The following NME8 variants were observed in gnomAD, a reference collection of about 807,000 sequenced individuals.
The protein encoded by NME8 is NME/NM23 family member 8.
NME8 carries 72 observed loss-of-function variants against 82.3 expected under a neutral mutation model. That is an observed-to-expected ratio of 0.87 (90% CI 0.72 to 1.06). The LOEUF (loss-of-function observed/expected upper bound fraction) is 1.06. Ranked by LOEUF, NME8 falls within the 50% of genes least tolerant of loss-of-function variation. The pLI, the probability that NME8 is intolerant of heterozygous loss-of-function variation, is 0.00. For missense variants in NME8, 712 were observed against 685.4 expected (o/e 1.04, Z -0.43); for synonymous variants, 267 against 228.5 (o/e 1.17, Z -1.52).
chr7:37,897,821 T>C (rs62445988), intron 17 of NME8, among the ~76,000 whole-genome samples: 4,327 of 152,284 alleles, frequency 0.028, 101 homozygotes, highest in East Asian at 0.088. Context: ...CAGTTTCATC[T>C]ATGTCCCTGC....
At chr7:37,867,951 A>T (rs1402938548) in intron 11 of NME8, 53 bp downstream of exon 11, 3 of 1,518,600 alleles carry the variant, frequency 2.0e-6, no homozygotes, top group Non-Finnish European at 2.7e-6. Context: ...TTGGGTAATG[A>T]AGCGTAGTGT....
intron 15 of NME8, among the ~76,000 whole-genome samples, chr7:37,890,407 T>C (rs1385953874): frequency 6.6e-6 from 1 of 151,982 alleles, no homozygotes; most frequent in African/African-American, 2.4e-5. Context: ...GTATATAGCA[T>C]ACCCATTACT....
intron 15 of NME8, among the ~76,000 whole-genome samples, chr7:37,892,056 G>A (rs1412619667): frequency 6.6e-6 from 1 of 151,910 alleles, no homozygotes; most frequent in Non-Finnish European, 1.5e-5. Context: ...TCTTGACAGA[G>A]TATCTCTATT....
intron 11 of NME8, among the ~76,000 whole-genome samples, chr7:37,875,108 A>G (rs1784827201): frequency 6.6e-6 from 1 of 152,216 alleles, no homozygotes; most frequent in Non-Finnish European, 1.5e-5. Flanking sequence ...AAATGAAGGG[A>G]AGTCTACAAA....
At chr7:37,866,650 G>C (rs1330194037) in intron 10 of NME8, among the ~76,000 whole-genome samples, 3 of 152,154 alleles carry the variant, frequency 2.0e-5, no homozygotes, top group African/African-American at 7.2e-5. Context: ...AAAAATGTAG[G>C]AGACTAGTGA....
In NME8 at chr7:37,862,078, TA is replaced by T. The variant is rs1398760930; in HGVS notation, c.327del (p.Val110LeufsTer4). On this transcript the variant is annotated frameshift_variant, in exon 7 of 18. Coordinates refer to ENST00000199447, the MANE Select transcript of NME8 (RefSeq NM_016616.5). LOFTEE classifies it high-confidence loss of function. Reference sequence around the variant, plus strand: ...AGGGTGCAAATGCACCGCTTGTTAATAAAAAAGTTATTAATTTGATCGATGA... The same window carrying T: ...AGGGTGCAAATGCACCGCTTGTTAATAAAAAGTTATTAATTTGATCGATGA... ...IQGANAPLVN[K>X]KVINLIDEER... The T allele has an allele frequency of 5.0e-6, 8 of 1,613,680 alleles. No individual in the cohort carries two copies. The Admixed American group carries it at 6.7e-5, about 13-fold the overall frequency.
chr7:37,860,374 C>T (rs904435895), intron 6 of NME8, among the ~76,000 whole-genome samples: 1 of 152,134 alleles, frequency 6.6e-6, no homozygotes, highest in Admixed American at 6.5e-5. Context: ...ATTGCTGTTG[C>T]TAATGTATCC....
intron 12 of NME8, among the ~76,000 whole-genome samples, chr7:37,878,955 G>T (rs535514484): frequency 1.3e-5 from 2 of 151,954 alleles, no homozygotes; most frequent in East Asian, 3.9e-4. Context: ...ATAATGTCAG[G>T]TATTCCCATT....
chr7:37,881,748 C>T (rs561505556), intron 12 of NME8, among the ~76,000 whole-genome samples: 5 of 152,156 alleles, frequency 3.3e-5, no homozygotes, highest in South Asian at 4.1e-4. Context: ...ATTCCTTAAA[C>T]GTTTTGTAGA....
intron 11 of NME8, among the ~76,000 whole-genome samples, chr7:37,873,413 AC>A (rs1784801626): frequency 6.6e-6 from 1 of 152,046 alleles, no homozygotes; most frequent in Admixed American, 6.6e-5. Context: ...GAATATATAA[AC>A]ATATGAGTAT....
At chr7:37,898,135 T>A (rs1330825178) in intron 17 of NME8, among the ~76,000 whole-genome samples, 1 of 152,184 alleles carries the variant, frequency 6.6e-6, no homozygotes, top group Admixed American at 6.5e-5. Context: ...AAAGTGTTAC[T>A]ATTTCTCCAC....
At chr7:37,849,869 CAAAA>C (rs869133999) in intron 2 of NME8, among the ~76,000 whole-genome samples, 38 of 39,928 alleles carry the variant, frequency 9.5e-4, no homozygotes, top group South Asian at 8.3e-3. Flanking sequence ...GACTATGTCT[CAAAA>C]AAAAAAAAAA....
At chr7:37,850,068 G>A (rs1784416713) in intron 2 of NME8, among the ~76,000 whole-genome samples, 192 bp from the exon 3 acceptor site, 1 of 152,120 alleles carries the variant, frequency 6.6e-6, no homozygotes, top group Non-Finnish European at 1.5e-5. Context: ...TGCATGGCAT[G>A]CCTGTATCAA....
chr7:37,877,012 G>A lies in NME8; in HGVS notation c.994+5G>A, dbSNP rs1292466067. The A allele has an allele frequency of 3.7e-6, 6 of 1,607,726 alleles. No homozygotes were observed. In the Admixed American group the frequency reaches 6.7e-5, roughly 18 times the overall value. ...ATCTCTTTCATGAAAGGAAAGGTAGGGAATCAAGCATAAATTGTTTAAGTA... is the reference window on the plus strand; with the variant it reads ...ATCTCTTTCATGAAAGGAAAGGTAGAGAATCAAGCATAAATTGTTTAAGTA... On this transcript the variant is annotated splice_donor_5th_base_variant and intron_variant, in intron 12 of 17. Coordinates refer to ENST00000199447, the MANE Select transcript of NME8 (RefSeq NM_016616.5).
At chr7:37,873,861 T>C (rs183009874) in intron 11 of NME8, among the ~76,000 whole-genome samples, 3 of 152,348 alleles carry the variant, frequency 2.0e-5, no homozygotes, top group East Asian at 3.9e-4. Context: ...AGACTTTTAA[T>C]TGGTTTTATT....
At chr7:37,875,665 A>T (rs927061472) in intron 11 of NME8, among the ~76,000 whole-genome samples, 1 of 152,190 alleles carries the variant, frequency 6.6e-6, no homozygotes, top group Admixed American at 6.5e-5. Context: ...GCCAAAAAAT[A>T]GCCAGGAAAA....
intron 12 of NME8, 101 bp downstream of exon 12, chr7:37,877,108 T>C: frequency 1.0e-6 from 1 of 1,001,380 alleles, no homozygotes. Flanking sequence ...AAATTTAACA[T>C]TGAAGAAAAC....
rs764326102 is a variant in NME8, at chr7:37,897,068, C to T, written c.1743C>T (p.Leu581=). ...AYEAKEVVNR[L]FEDPEEN ...AAGCAAAAGAGGTTGTTAATAGACT[C>T]TTTGAGGATCCTGAGGAAAACTAAA... is the stretch of plus-strand genomic sequence containing the variant. The change falls in exon 17 of 18, where the codon CTC becomes CTT. Residue 581 remains leucine (L), a synonymous_variant. Transcript: ENST00000199447. 23 of 1,613,036 alleles carry T rather than the reference C, an allele frequency of 1.4e-5. 1 individual carries two copies. In the Middle Eastern group the frequency reaches 8.3e-4, roughly 58 times the overall value.
At chr7:37,876,314 C>T (rs1196448728) in intron 11 of NME8, among the ~76,000 whole-genome samples, 2 of 151,478 alleles carry the variant, frequency 1.3e-5, no homozygotes, top group Non-Finnish European at 2.9e-5. Context: ...TTACACATTA[C>T]AAATAATTTT....
Sources: gnomAD v4.1 joint callset for allele counts (sites outside exome capture counted in the v4.1 genomes callset) on GRCh38, gnomAD v4.1.1 for gene constraint, MANE v1.5 for transcripts, NCBI Gene and HGNC (gene_info 2026-07-23, HGNC 2026-07-21) for gene names.